Variants in REEP5 observed in about 807,000 individuals in gnomAD.
REEP5 encodes the protein receptor expression-enhancing protein 5.
In REEP5, 24 loss-of-function variants were observed where a neutral mutation model predicts 22.4. The observed-to-expected ratio is 1.07, with a 90% CI of 0.78 to 1.51. The LOEUF is 1.51. REEP5 is among the 40% of genes most tolerant of loss of function. REEP5 has a pLI of 0.00. For missense variants in REEP5, 252 were observed against 233.0 expected, an observed-to-expected ratio of 1.08 and a Z score of -0.53; for synonymous variants, 103 against 88.6, an observed-to-expected ratio of 1.16 and a Z score of -0.92.
intron 3 of REEP5, among the ~76,000 whole-genome samples, chr5:112,890,394 G>C (rs922090268): frequency 2.0e-5 from 3 of 149,008 alleles, no homozygotes; most frequent in Non-Finnish European, 4.4e-5. Flanking sequence ...AATAAAAAAG[G>C]GTTTCACTTT....
At chr5:112,901,463 C>T (rs1376591089) in intron 3 of REEP5, among the ~76,000 whole-genome samples, 1 of 151,910 alleles carries the variant, frequency 6.6e-6, no homozygotes, top group Non-Finnish European at 1.5e-5. Context: ...AATCCCAGCA[C>T]TTTGGGAGGC....
At chr5:112,879,722 C>A (rs944339833) in intron 4 of REEP5, among the ~76,000 whole-genome samples, 7 of 151,976 alleles carry the variant, frequency 4.6e-5, no homozygotes, top group Admixed American at 1.3e-4. Flanking sequence ...GTGATCTGCC[C>A]GCCTTGGCCT....
chr5:112,912,842 C>T (rs189704026), intron 2 of REEP5, among the ~76,000 whole-genome samples: 1 of 152,238 alleles, frequency 6.6e-6, no homozygotes, highest in Admixed American at 6.5e-5. Context: ...CATTTTAAGA[C>T]ATAAACACTA....
chr5:112,902,536 A>T lies in REEP5; in HGVS notation c.213-18T>A. The T allele has an allele frequency of 6.4e-7, 1 of 1,561,672 alleles. No individual in the cohort carries two copies. The highest frequency in any genetic ancestry group is 8.6e-7 in the Non-Finnish European group (1 of 1,158,262). ...CTTTAATTCTGAAAGGCAGTACAAA[A>T]GAAAGTATATCATTTGGTAAGATAT... On this transcript the variant is annotated intron_variant, in intron 2 of 4. Transcript: ENST00000379638.
chr5:112,920,016 G>A (rs1460624515), intron 2 of REEP5, among the ~76,000 whole-genome samples: 1 of 152,140 alleles, frequency 6.6e-6, no homozygotes, highest in East Asian at 1.9e-4. Context: ...GCTCACGGGG[G>A]TCTGTATGCT....
intron 2 of REEP5, among the ~76,000 whole-genome samples, chr5:112,913,275 A>G (rs1317636195): frequency 1.3e-5 from 2 of 151,882 alleles, no homozygotes; most frequent in East Asian, 3.9e-4. Flanking sequence ...CCTGGGCAAC[A>G]AGAGGGAAAC....
At chr5:112,919,165 G>A (rs1249643243) in intron 2 of REEP5, among the ~76,000 whole-genome samples, 1 of 152,196 alleles carries the variant, frequency 6.6e-6, no homozygotes, top group Non-Finnish European at 1.5e-5. Context: ...GCTATGGTCT[G>A]AATGTTGTGT....
intron 3 of REEP5, chr5:112,896,649 A>C (rs1311866095): frequency 6.6e-6 from 1 of 152,028 alleles, no homozygotes; most frequent in Admixed American, 6.6e-5. Context: ...TCTAAAAATA[A>C]ATCTAGCCAG....
At chr5:112,921,360 T>C in intron 1 of REEP5, 104 bp from the exon 2 acceptor site, 1 of 1,062,192 alleles carries the variant, frequency 9.4e-7, no homozygotes. Context: ...GGAGTTTTCC[T>C]CTCGACTCGA....
rs1554093728 is a variant in REEP5, at chr5:112,894,129, T to TTG, written c.352-6947_352-6946insCA. On this transcript the variant is annotated intron_variant, in intron 3 of 4. Coordinates refer to ENST00000379638, the MANE Select transcript of REEP5 (RefSeq NM_005669.5). ...TTGTTTTTTTGGTTTTTTTTGTTTT[T>TTG]TTTTTTTTTTTGAGACGGAGTCTTG... 4.8e-5 allele frequency: 4 copies of TTG among 83,958 alleles called. No homozygotes were observed. In the East Asian group the frequency reaches 9.6e-4, roughly 20 times the overall value. 5.2% of individuals were successfully genotyped at this position (83,958 alleles called of 1,614,324 possible).
At chr5:112,879,767 T>TGC (rs1768014315) in intron 4 of REEP5, among the ~76,000 whole-genome samples, 1 of 151,798 alleles carries the variant, frequency 6.6e-6, no homozygotes, top group Admixed American at 6.6e-5. Flanking sequence ...TAAGCCACCA[T>TGC]GCCCGGCCTC....
intron 3 of REEP5, chr5:112,891,564 G>A (rs1768448563): frequency 1.3e-6 from 2 of 1,546,626 alleles, no homozygotes; most frequent in African/African-American, 2.7e-5. Flanking sequence ...ATCACTGACA[G>A]TGGCAGCTAT....
chr5:112,906,586 C>G (rs1768960372), intron 2 of REEP5, among the ~76,000 whole-genome samples: 1 of 152,186 alleles, frequency 6.6e-6, no homozygotes. Flanking sequence ...CTCCACTCTA[C>G]TCACCTGGAT....
At chr5:112,891,188 T>A (rs180957535) in intron 3 of REEP5, among the ~76,000 whole-genome samples, 1 of 142,048 alleles carries the variant, frequency 7.0e-6, no homozygotes, top group African/African-American at 2.9e-5. Flanking sequence ...TTCTCCTGCC[T>A]CAGCCTCCCA....
chr5:112,898,465 C>G (rs940161535), intron 3 of REEP5: 2 of 152,200 alleles, frequency 1.3e-5, no homozygotes, highest in African/African-American at 4.8e-5. Flanking sequence ...AAATGAACTT[C>G]AAAACCAAAT....
In REEP5 at chr5:112,921,156, CACTT is replaced by C; in HGVS notation, c.212+3_212+6del. The C allele has an allele frequency of 1.2e-6, 2 of 1,613,902 alleles. No homozygotes were observed. The highest frequency in any genetic ancestry group is 1.7e-6 in the Non-Finnish European group (2 of 1,179,862). On this transcript the variant is annotated splice_donor_5th_base_variant and intron_variant, in intron 2 of 4. Coordinates refer to ENST00000379638, the MANE Select transcript of REEP5 (RefSeq NM_005669.5). ...GGAAGGGGACGGCTGCAGGGTGTGT[CACTT>C]ACGAGATGTAGGCTGGGTAGCCAAA...
At chr5:112,913,373 GAAAGAAAGA>G in intron 2 of REEP5, among the ~76,000 whole-genome samples, 1 of 32,090 alleles carries the variant, frequency 3.1e-5, no homozygotes, top group Non-Finnish European at 5.2e-5. Context: ...AAAGAAAGAA[GAAAGAAAGA>G]GAAAGAAAGA....
chr5:112,898,483 A>C (rs1474666776), intron 3 of REEP5: 1 of 152,242 alleles, frequency 6.6e-6, no homozygotes, highest in Non-Finnish European at 1.5e-5. Context: ...AATATAAATG[A>C]TTCAGTGACT....
intron 3 of REEP5, among the ~76,000 whole-genome samples, chr5:112,890,398 T>C (rs967636141): frequency 6.7e-6 from 1 of 150,034 alleles, no homozygotes; most frequent in Non-Finnish European, 1.5e-5. Flanking sequence ...AAAAAGGGTT[T>C]CACTTTGTCA....
Sources: gnomAD v4.1 joint callset for allele counts (sites outside exome capture counted in the v4.1 genomes callset) on GRCh38, gnomAD v4.1.1 for gene constraint, MANE v1.5 for transcripts, NCBI Gene and HGNC (gene_info 2026-07-23, HGNC 2026-07-21) for gene names.